PHAF1: variants seen among roughly 807,000 people sequenced by gnomAD.
The protein encoded by PHAF1 is phagophore assembly factor 1.
Under a neutral mutation model 63.1 loss-of-function variants are expected in PHAF1, and 23 were observed. That is an observed-to-expected ratio of 0.36 (90% confidence interval 0.26 to 0.52). PHAF1 has a LOEUF of 0.52. Ranked by LOEUF, PHAF1 falls within the 20% of genes least tolerant of loss-of-function variation. The probability of loss-of-function intolerance (pLI) is 0.93; values close to 1 mark genes in which losing one functional copy is unlikely to be tolerated. For synonymous variants in PHAF1, 167 were observed against 185.0 expected, an observed-to-expected ratio of 0.90 and a Z score of 0.79; for missense variants, 427 against 517.2, an observed-to-expected ratio of 0.83 and a Z score of 1.69.
chr16:67,145,314 G>A (rs2029946076), intron 12 of PHAF1, 62 bp from the exon 13 acceptor site: 1 of 1,584,496 alleles, frequency 6.3e-7, no homozygotes, highest in African/African-American at 1.3e-5. Flanking sequence ...TTCCTACCTA[G>A]GGCTGGGGCC....
chr16:67,132,927 C>T lies in PHAF1; in HGVS notation c.450+16C>T. On this transcript the variant is annotated intron_variant, in intron 6 of 15. Coordinates refer to ENST00000219139, the MANE Select transcript of PHAF1 (RefSeq NM_025187.5). ...AAAGTATGAGGTTAGCCCTTCCTGT[C>T]CCCTGGTGTTTGTTGTATGTGTCTG... The T allele has an allele frequency of 2.6e-6, 4 of 1,568,456 alleles. No homozygotes were observed. Among genetic ancestry groups the T allele is most frequent in the Non-Finnish European group, 3.5e-6 (4 of 1,140,018 alleles).
chr16:67,130,676 G>A (rs972174520), intron 3 of PHAF1, among the ~76,000 whole-genome samples: 3 of 152,134 alleles, frequency 2.0e-5, no homozygotes, highest in Non-Finnish European at 1.5e-5. Flanking sequence ...AAAGCAACCC[G>A]ACCTGGGTTT....
At chr16:67,119,325 G>A (rs1225338990) in intron 1 of PHAF1, among the ~76,000 whole-genome samples, 1 of 152,118 alleles carries the variant, frequency 6.6e-6, no homozygotes, top group Non-Finnish European at 1.5e-5. Flanking sequence ...TCAGTGTGGA[G>A]GTCCCTGTTT....
chr16:67,132,515 C>A lies in PHAF1; in HGVS notation c.345C>A (p.Thr115=). Residue 115 remains threonine, a synonymous_variant, in exon 5 of 16, where the codon ACC becomes ACA. Coordinates refer to ENST00000219139, the MANE Select transcript of PHAF1 (RefSeq NM_025187.5). The stretch of plus-strand genomic sequence containing the variant: ...AGATTGACCAGTCTTTTGGCGCAAC[C>A]CATCCTGGAGGTAAGCCAAGTCCAT... The part of the protein sequence containing the change: ...IEQIDQSFGA[T]HPGVYNSAEQ... The A allele has an allele frequency of 6.2e-7, 1 of 1,613,988 alleles. No individual in the cohort carries two copies.
intron 6 of PHAF1, among the ~76,000 whole-genome samples, chr16:67,133,501 T>TAA (rs757439473): frequency 5.1e-4 from 51 of 99,764 alleles, no homozygotes; most frequent in African/African-American, 1.2e-3. Flanking sequence ...CCAAAAATAT[T>TAA]AAAAAAAAAA....
At chr16:67,146,407 G>T in intron 15 of PHAF1, 57 bp downstream of exon 15, 1 of 1,532,658 alleles carries the variant, frequency 6.5e-7, no homozygotes, top group Non-Finnish European at 9.0e-7. Context: ...TCATGGCAGG[G>T]CCAGGTGAAT....
chr16:67,124,901 CA>C (rs573637159), intron 2 of PHAF1, among the ~76,000 whole-genome samples: 5,476 of 106,584 alleles, frequency 0.051, 119 homozygotes, highest in South Asian at 0.088. Context: ...AGACTTCATC[CA>C]AAAAAAAAAA....
intron 12 of PHAF1, 72 bp from the exon 13 acceptor site, chr16:67,145,304 T>A (rs1190065936): frequency 1.0e-5 from 16 of 1,555,032 alleles, no homozygotes; most frequent in Non-Finnish European, 1.4e-5. Context: ...CCAGGTCTGG[T>A]TCCTACCTAG....
chr16:67,142,582 G>A (rs1963854617), intron 10 of PHAF1, among the ~76,000 whole-genome samples: 2 of 152,172 alleles, frequency 1.3e-5, no homozygotes, highest in African/African-American at 4.8e-5. Context: ...TCGTGACAGC[G>A]CCTGGGCTCA....
Position 67,144,846 on chromosome 16 carries a change from T to G in PHAF1, c.975T>G (p.Cys325Trp). 1 of 1,614,104 alleles carries G rather than the reference T, an allele frequency of 6.2e-7. No individual in the cohort carries two copies. Among genetic ancestry groups the G allele is most frequent in the Non-Finnish European group, 8.5e-7 (1 of 1,180,010 alleles). Residue 325 changes from cysteine (C) to tryptophan (W), a missense_variant, in exon 12 of 16, where the codon TGT becomes TGG. Coordinates refer to ENST00000219139, the MANE Select transcript of PHAF1 (RefSeq NM_025187.5). ...GHYNFNIYHR[C>W]EFKIPLAIKK... is the part of the protein sequence containing the mutation. ...GCCTTCTCTCTAGTTATCATCGCTG[T>G]GAGTTCAAGATCCCACTAGCCATAA...
chr16:67,146,970 C>T, intron 15 of PHAF1, 75 bp from the exon 16 acceptor site: 1 of 1,359,614 alleles, frequency 7.4e-7, no homozygotes, highest in Non-Finnish European at 1.1e-6. Context: ...CACACAACCT[C>T]CAGCCCTCAT....
chr16:67,137,276 A>G (rs2145876092), intron 8 of PHAF1, among the ~76,000 whole-genome samples: 1 of 152,352 alleles, frequency 6.6e-6, no homozygotes, highest in East Asian at 1.9e-4. Flanking sequence ...AGACAGAACA[A>G]CCACTTAAAG....
At chr16:67,145,930 C>T (rs945640880) in intron 14 of PHAF1, among the ~76,000 whole-genome samples, 1 of 152,130 alleles carries the variant, frequency 6.6e-6, no homozygotes, top group East Asian at 1.9e-4. Flanking sequence ...GGCCTGGGCT[C>T]TTTTTCCCTT....
At chr16:67,140,392 C>A in intron 9 of PHAF1, 119 bp from the exon 10 acceptor site, 2 of 951,442 alleles carry the variant, frequency 2.1e-6, no homozygotes, top group Non-Finnish European at 3.2e-6. Flanking sequence ...CTGAGACTCC[C>A]CACTCTTGCT....
intron 1 of PHAF1, among the ~76,000 whole-genome samples, chr16:67,115,728 T>C (rs1962708237): frequency 6.6e-6 from 1 of 152,208 alleles, no homozygotes; most frequent in Non-Finnish European, 1.5e-5. Context: ...CCTTTACCAG[T>C]AGCTGTGTGA....
At chr16:67,132,946 G>A in intron 6 of PHAF1, 35 bp downstream of exon 6, 1 of 1,507,530 alleles carries the variant, frequency 6.6e-7, no homozygotes, top group Non-Finnish European at 9.2e-7. Context: ...TTTGTTGTAT[G>A]TGTCTGTGGT....
chr16:67,136,785 T>C (rs1451299884), intron 8 of PHAF1, among the ~76,000 whole-genome samples: 1 of 151,950 alleles, frequency 6.6e-6, no homozygotes, highest in African/African-American at 2.4e-5. Flanking sequence ...CTCCCTATGT[T>C]GCCCAGGCTG....
chr16:67,117,291 C>T (rs545899772), intron 1 of PHAF1, among the ~76,000 whole-genome samples: 68 of 148,150 alleles, frequency 4.6e-4, no homozygotes, highest in Non-Finnish European at 5.5e-4. Context: ...CCTCGTGATC[C>T]GCCTGCCTCG....
chr16:67,120,016 C>G, intron 1 of PHAF1, 96 bp from the exon 2 acceptor site: 1 of 997,722 alleles, frequency 1.0e-6, no homozygotes, highest in South Asian at 1.5e-5. Context: ...CCCAAACATC[C>G]CCAGGCTTTA....
Sources: gnomAD v4.1 joint callset for allele counts (sites outside exome capture counted in the v4.1 genomes callset) on GRCh38, gnomAD v4.1.1 for gene constraint, MANE v1.5 for transcripts, NCBI Gene and HGNC (gene_info 2026-07-23, HGNC 2026-07-21) for gene names.